The following MYO5A variants were observed in gnomAD, a reference collection of about 807,000 sequenced individuals.
MYO5A encodes the protein myosin VA.
In MYO5A, 98 loss-of-function variants were observed where a neutral mutation model predicts 249.7. The observed-to-expected ratio is 0.39, with a 90% CI of 0.33 to 0.46. The LOEUF (loss-of-function observed/expected upper bound fraction) is 0.46, where lower values mean the gene tolerates loss of function less well. MYO5A is among the 20% of genes least tolerant of loss of function. The pLI, the probability that MYO5A is intolerant of heterozygous loss-of-function variation, is 0.98. For synonymous variants in MYO5A, 778 were observed against 810.6 expected (o/e 0.96, Z 0.68); for missense variants, 1,696 against 2,308.8 (o/e 0.73, Z 5.44).
At chr15:52,385,121 A>G (rs2041921837) in intron 14 of MYO5A, among the ~76,000 whole-genome samples, 1 of 152,232 alleles carries the variant, frequency 6.6e-6, no homozygotes, top group Non-Finnish European at 1.5e-5. Flanking sequence ...ATGGAAAAAA[A>G]GAGACTTCAA....
intron 39 of MYO5A, 100 bp downstream of exon 39, chr15:52,318,960 T>C (rs1380278667): frequency 2.0e-5 from 28 of 1,430,700 alleles, no homozygotes; most frequent in Non-Finnish European, 2.6e-5. Flanking sequence ...GCACCAGACA[T>C]GAGATGCAAG....
chr15:52,421,373 A>G (rs1869127), intron 4 of MYO5A, among the ~76,000 whole-genome samples: 22,461 of 152,262 alleles, frequency 0.15, 1,784 homozygotes, highest in Middle Eastern at 0.22. Flanking sequence ...AGAAATGTAG[A>G]CATAAGGCCA....
At chr15:52,447,639 C>G (rs1472305964) in intron 1 of MYO5A, among the ~76,000 whole-genome samples, 1 of 152,066 alleles carries the variant, frequency 6.6e-6, no homozygotes, top group Non-Finnish European at 1.5e-5. Flanking sequence ...TTCCTAGAGA[C>G]CTATTGAATG....
chr15:52,514,380 T>C (rs1327096538), intron 1 of MYO5A, among the ~76,000 whole-genome samples: 2 of 152,200 alleles, frequency 1.3e-5, no homozygotes, highest in South Asian at 2.1e-4. Flanking sequence ...GATAGACAAC[T>C]GCAATGCAGT....
At chr15:52,528,728 C>G in intron 1 of MYO5A, 52 bp downstream of exon 1, 1 of 1,482,250 alleles carries the variant, frequency 6.7e-7, no homozygotes, top group African/African-American at 1.5e-5. Flanking sequence ...TGACAGCTGG[C>G]GGCGAGGGCC....
chr15:52,321,212 G>T, intron 38 of MYO5A, 147 bp downstream of exon 38: 1 of 998,020 alleles, frequency 1.0e-6, no homozygotes, highest in Non-Finnish European at 1.5e-6. Context: ...GGGTTTCTGG[G>T]ATTCCTCGGC....
rs1161316783 is a variant in MYO5A, at chr15:52,351,373, C to T, written c.3730G>A (p.Ala1244Thr). The T allele has an allele frequency of 1.2e-6, 2 of 1,614,192 alleles. No homozygotes were observed. Among genetic ancestry groups the T allele is most frequent in the East Asian group, 2.2e-5 (1 of 44,890 alleles). The part of the protein sequence containing the change: ...APEVTAPGAP[A>T]YRVLMEQLTS... ...AGCTGCTCCATGAGGACACGGTAGG[C>T]AGGTGCACCTGGGGCGGTCACCTCT... The change falls in exon 28 of 42, where the codon GCC becomes ACC. Residue 1244 changes from alanine to threonine, a missense_variant. This residue lies in a region of MYO5A where 625 missense variants were observed against 908.1 expected (regional missense o/e 0.69). Coordinates refer to ENST00000399233, the MANE Select transcript of MYO5A (RefSeq NM_001382347.1).
chr15:52,460,383 G>A (rs1261436282), intron 1 of MYO5A, among the ~76,000 whole-genome samples: 1 of 152,224 alleles, frequency 6.6e-6, no homozygotes, highest in Non-Finnish European at 1.5e-5. Flanking sequence ...GCGAGACTCC[G>A]TCTACAATCC....
At chr15:52,378,026 T>C (rs1476039774) in intron 18 of MYO5A, among the ~76,000 whole-genome samples, 4 of 152,148 alleles carry the variant, frequency 2.6e-5, no homozygotes, top group African/African-American at 4.8e-5. Flanking sequence ...AAAGTTTACA[T>C]TGGAAACCTA....
chr15:52,512,437 T>C (rs2077410530), intron 1 of MYO5A, among the ~76,000 whole-genome samples: 1 of 151,948 alleles, frequency 6.6e-6, no homozygotes, highest in East Asian at 1.9e-4. Context: ...CACTGTAGAA[T>C]AACACGTATT....
At chr15:52,410,602 T>TG (rs2043205133) in intron 5 of MYO5A, 126 bp from the exon 6 acceptor site, 2 of 989,118 alleles carry the variant, frequency 2.0e-6, no homozygotes, top group Admixed American at 4.5e-5. Context: ...TTTTTTTTTT[T>TG]TTTGAGACAG....
intron 1 of MYO5A, among the ~76,000 whole-genome samples, chr15:52,455,833 C>T (rs1160160702): frequency 6.6e-6 from 1 of 151,532 alleles, no homozygotes; most frequent in Non-Finnish European, 1.5e-5. Flanking sequence ...ATAATAAAGG[C>T]CACATATGAG....
chr15:52,386,589 C>T (rs1214073572), intron 14 of MYO5A, among the ~76,000 whole-genome samples: 3 of 151,726 alleles, frequency 2.0e-5, no homozygotes, highest in Admixed American at 1.3e-4. Flanking sequence ...TCGCTGTCTC[C>T]GAGGCTGGAG....
intron 1 of MYO5A, among the ~76,000 whole-genome samples, chr15:52,503,973 G>T (rs1452371047): frequency 6.6e-6 from 1 of 150,668 alleles, no homozygotes; most frequent in African/African-American, 2.4e-5. Context: ...AGGCGGAAGT[G>T]AAACCCTAAG....
intron 1 of MYO5A, among the ~76,000 whole-genome samples, chr15:52,492,601 G>C (rs1320244171): frequency 6.6e-6 from 1 of 152,202 alleles, no homozygotes; most frequent in Non-Finnish European, 1.5e-5. Context: ...GGGTGGTTGA[G>C]AACCCTCCCA....
intron 1 of MYO5A, among the ~76,000 whole-genome samples, chr15:52,462,059 G>A (rs528273354): frequency 6.7e-6 from 1 of 149,512 alleles, no homozygotes; most frequent in African/African-American, 2.5e-5. Flanking sequence ...GTCAGGAGAT[G>A]GAGACCATCC....
chr15:52,372,053 C>A, intron 21 of MYO5A, 71 bp downstream of exon 21: 1 of 1,607,818 alleles, frequency 6.2e-7, no homozygotes, highest in South Asian at 1.1e-5. Context: ...CAAAGAAAAA[C>A]AATATTGAAA....
Position 52,376,568 on chromosome 15 carries a change from G to A in MYO5A, c.2209-10C>T. On this transcript the variant is annotated splice_polypyrimidine_tract_variant and intron_variant, in intron 18 of 41. Transcript: ENST00000399233. ...GGTATTTGTCCTTGTCCTATTTTTG[G>A]AAGAAATTGTATATTCAGAAATAAT... is the stretch of plus-strand genomic sequence containing the variant. The A allele has an allele frequency of 6.2e-7, 1 of 1,609,358 alleles. No homozygotes were observed. The highest frequency in any genetic ancestry group is 8.5e-7 in the Non-Finnish European group (1 of 1,175,806).
At chr15:52,468,810 T>C (rs1177559395) in intron 1 of MYO5A, among the ~76,000 whole-genome samples, 1 of 152,200 alleles carries the variant, frequency 6.6e-6, no homozygotes, top group African/African-American at 2.4e-5. Context: ...AGGCACAACC[T>C]TTGAGAGAGC....
Sources: allele counts gnomAD v4.1 joint callset (sites outside exome capture counted in the v4.1 genomes callset), GRCh38; gene constraint gnomAD v4.1.1; regional missense constraint gnomAD v4.1.1; transcripts MANE v1.5; gene names NCBI Gene and HGNC (gene_info 2026-07-23, HGNC 2026-07-21).